SYT1: variants seen among roughly 807,000 people sequenced by gnomAD.
SYT1 encodes synaptotagmin-1.
In SYT1, 8 loss-of-function variants were observed where a neutral mutation model predicts 44.8. That is an observed-to-expected ratio of 0.18 (90% CI 0.10 to 0.32). The LOEUF (loss-of-function observed/expected upper bound fraction) is 0.32. Among genes scored for constraint, SYT1 ranks in the 10% least tolerant of loss-of-function variants. The probability of loss-of-function intolerance (pLI) is 1.00; values close to 1 mark genes in which losing one functional copy is unlikely to be tolerated. For synonymous variants in SYT1, 154 were observed against 188.8 expected (o/e 0.82, Z 1.51); for missense variants, 286 against 509.3 (o/e 0.56, Z 4.22).
intron 8 of SYT1, among the ~76,000 whole-genome samples, chr12:79,315,343 TG>T (rs1226595277): frequency 6.6e-6 from 1 of 152,168 alleles, no homozygotes; most frequent in Admixed American, 6.5e-5. Context: ...CCTGAGTAGC[TG>T]GGACTGCAGG....
intron 4 of SYT1, among the ~76,000 whole-genome samples, chr12:79,281,567 T>G (rs976334103): frequency 2.6e-5 from 4 of 152,116 alleles, no homozygotes; most frequent in Non-Finnish European, 4.4e-5. Context: ...TATTACCTAT[T>G]GGATACAATG....
chr12:79,262,048 A>T (rs1238134613), intron 4 of SYT1, among the ~76,000 whole-genome samples: 1 of 152,218 alleles, frequency 6.6e-6, no homozygotes, highest in Non-Finnish European at 1.5e-5. Flanking sequence ...AATCCAATCT[A>T]TTCTGATATA....
chr12:79,082,871 G>T (rs535577690), intron 3 of SYT1, among the ~76,000 whole-genome samples: 3 of 152,194 alleles, frequency 2.0e-5, no homozygotes, highest in African/African-American at 7.2e-5. Flanking sequence ...CTGTGAGAAT[G>T]GTCCTTGCCA....
At chr12:79,144,245 C>T (rs1196380562) in intron 3 of SYT1, among the ~76,000 whole-genome samples, 1 of 152,150 alleles carries the variant, frequency 6.6e-6, no homozygotes, top group Non-Finnish European at 1.5e-5. Flanking sequence ...CAAAAGTGGA[C>T]AGGAAAAGCA....
At chr12:79,028,813 G>T (rs530916032) in intron 2 of SYT1, among the ~76,000 whole-genome samples, 1 of 151,194 alleles carries the variant, frequency 6.6e-6, no homozygotes, top group Non-Finnish European at 1.5e-5. Context: ...ATTTTATGCC[G>T]TTCCATAAGT....
intron 3 of SYT1, among the ~76,000 whole-genome samples, chr12:79,086,240 GTCTGGCA>G (rs1158426189): frequency 6.6e-6 from 1 of 151,974 alleles, no homozygotes; most frequent in East Asian, 1.9e-4. Flanking sequence ...CCTAACACTT[GTCTGGCA>G]CAAGGGAGCT....
intron 4 of SYT1, among the ~76,000 whole-genome samples, chr12:79,259,233 T>A (rs1237583830): frequency 1.3e-5 from 2 of 152,230 alleles, no homozygotes; most frequent in East Asian, 3.8e-4. Context: ...TTGGTATGAA[T>A]GTCTAGAATT....
intron 3 of SYT1, among the ~76,000 whole-genome samples, chr12:79,059,619 C>T (rs1875224566): frequency 6.6e-6 from 1 of 152,148 alleles, no homozygotes; most frequent in Admixed American, 6.6e-5. Flanking sequence ...TCAGTAATAA[C>T]TCCATGCACA....
chr12:79,377,873 CA>C lies in SYT1; in HGVS notation c.928+24256del, dbSNP rs151175660. Among the ~76,000 whole-genome samples, 1,274 of 152,256 alleles carry C rather than the reference CA, an allele frequency of 8.4e-3. 11 individuals are homozygous for C. The highest frequency in any genetic ancestry group is 0.023 in the African/African-American group (962 of 41,566). ...ATTAAGCCTATGACACCAATTAAGA[CA>C]ACAAATGGAGATGTCTAATATGCAG... On this transcript the variant is annotated intron_variant, in intron 9 of 10. Transcript: ENST00000261205.
intron 1 of SYT1, among the ~76,000 whole-genome samples, chr12:78,934,723 C>CA (rs34052852): frequency 0.091 from 13,852 of 152,132 alleles, 726 homozygotes; most frequent in East Asian, 0.18. Flanking sequence ...AAAATCTGAA[C>CA]ATTTTTTTGA....
At chr12:78,970,772 G>A (rs561567357) in intron 1 of SYT1, among the ~76,000 whole-genome samples, 1 of 152,174 alleles carries the variant, frequency 6.6e-6, no homozygotes, top group East Asian at 1.9e-4. Context: ...TCTCAACCGA[G>A]AAATAAACCC....
intron 8 of SYT1, among the ~76,000 whole-genome samples, chr12:79,351,223 C>T (rs1421298794): frequency 1.3e-5 from 2 of 152,260 alleles, no homozygotes; most frequent in East Asian, 3.9e-4. Flanking sequence ...TGCTTCCGAG[C>T]ATGCTTTTTC....
intron 3 of SYT1, among the ~76,000 whole-genome samples, chr12:79,122,464 A>G (rs1343371447): frequency 3.2e-5 from 4 of 126,928 alleles, no homozygotes; most frequent in Non-Finnish European, 4.7e-5. Flanking sequence ...CAGTGAGCCG[A>G]GATCGCGCCA....
chr12:79,127,960 G>A (rs1048374560), intron 3 of SYT1, among the ~76,000 whole-genome samples: 3 of 152,282 alleles, frequency 2.0e-5, no homozygotes, highest in Non-Finnish European at 2.9e-5. Flanking sequence ...GTAAATAAAT[G>A]CATGATGGAT....
At chr12:78,933,177 C>A (rs1039712924) in intron 1 of SYT1, among the ~76,000 whole-genome samples, 5 of 152,084 alleles carry the variant, frequency 3.3e-5, no homozygotes, top group African/African-American at 1.2e-4. Context: ...TATCATCTTG[C>A]TTTCTACCAT....
In SYT1 at chr12:78,976,215, A is replaced by T. The variant is rs117298087; in HGVS notation, c.-216-1584A>T. ...CATGAACCTATCTTTTCTCTTTTTT[A>T]TCCCCAAGGACTGGCCAAAAAGAAG... On this transcript the variant is annotated intron_variant, in intron 1 of 10. Transcript: ENST00000261205. Among the ~76,000 whole-genome samples, 71 of 152,126 alleles carry T rather than the reference A, an allele frequency of 4.7e-4. 1 individual carries two copies. In the East Asian group the frequency reaches 0.012, roughly 27 times the overall value.
chr12:79,004,911 T>C (rs1179205887), intron 2 of SYT1, among the ~76,000 whole-genome samples: 1 of 152,010 alleles, frequency 6.6e-6, no homozygotes, highest in Admixed American at 6.6e-5. Flanking sequence ...AATAATATGC[T>C]CATATAATTT....
chr12:79,180,659 G>A (rs1301344826), intron 3 of SYT1, among the ~76,000 whole-genome samples: 1 of 151,808 alleles, frequency 6.6e-6, no homozygotes, highest in Admixed American at 6.6e-5. Flanking sequence ...AGTGAAGGGG[G>A]AGGTGCCACA....
intron 4 of SYT1, among the ~76,000 whole-genome samples, chr12:79,234,792 C>A (rs1200655694): frequency 6.6e-6 from 1 of 150,670 alleles, no homozygotes; most frequent in African/African-American, 2.4e-5. Context: ...CTCACTGCAA[C>A]CTCCGCCTTC....
Sources: allele counts gnomAD v4.1 joint callset (sites outside exome capture counted in the v4.1 genomes callset), GRCh38; gene constraint gnomAD v4.1.1; transcripts MANE v1.5; gene names NCBI Gene and HGNC (gene_info 2026-07-23, HGNC 2026-07-21).